SCRN1: variants seen among roughly 807,000 people sequenced by gnomAD.
SCRN1 encodes secernin-1.
In SCRN1, 19 loss-of-function variants were observed where a neutral mutation model predicts 43.3. The ratio of observed to expected loss-of-function variants is 0.44; its 90% confidence interval spans 0.31 to 0.64. The LOEUF (loss-of-function observed/expected upper bound fraction) is 0.64, where lower values mean the gene tolerates loss of function less well. Among genes scored for constraint, SCRN1 ranks in the 30% least tolerant of loss-of-function variants. SCRN1 has a pLI of 0.09. For missense variants in SCRN1, 447 were observed against 524.1 expected (o/e 0.85, Z 1.44); for synonymous variants, 183 against 188.9 (o/e 0.97, Z 0.26).
Position 29,989,775 on chromosome 7 carries a change from G to A in SCRN1, c.-135C>T. The A allele has an allele frequency of 1.0e-6, 1 of 986,576 alleles. No homozygotes were observed. Among genetic ancestry groups the A allele is most frequent in the Non-Finnish European group, 1.2e-6 (1 of 830,930 alleles). 61.1% of individuals were successfully genotyped at this position (986,576 alleles called of 1,614,324 possible). A position where few individuals can be genotyped will look rare whatever the true frequency, so the allele number is the denominator to read the frequency against. On this transcript the variant is annotated 5_prime_UTR_variant, in exon 1 of 8. Transcript: ENST00000242059. ...TGCAGCTGCAGTGGCGGAGGCGGCC[G>A]CCGGGCGCTTCCCCCTACCCAGACT...
rs79136742 is a variant in SCRN1 at position 29,985,715 on chromosome 7, C to A, written c.-2+3927G>T. On this transcript the variant is annotated intron_variant, in intron 1 of 7. Transcript: ENST00000242059. ...ACTGTCCCCATGTCCTAGATCACCA[C>A]GTAGTGTGCTTATTCTGCTTCATAG... 9.2e-3 allele frequency among the ~76,000 whole-genome samples: 1,402 copies of A among 152,328 alleles called. 12 individuals carry two copies. Among genetic ancestry groups the A allele is most frequent in the Non-Finnish European group, 0.017 (1,134 of 68,030 alleles).
At chr7:29,977,248 C>T (rs976356816) in intron 1 of SCRN1, among the ~76,000 whole-genome samples, 9 of 152,180 alleles carry the variant, frequency 5.9e-5, no homozygotes, top group Non-Finnish European at 8.8e-5. Context: ...CCCTATTCTC[C>T]ACACTACCAG....
chr7:29,924,163 C>T (rs1786865007), intron 7 of SCRN1, 48 bp from the exon 8 acceptor site: 2 of 1,570,076 alleles, frequency 1.3e-6, no homozygotes. Context: ...TAGCAGGGGA[C>T]ATTGCAGCGG....
At chr7:29,932,819 C>T (rs1479402433) in intron 6 of SCRN1, among the ~76,000 whole-genome samples, 1 of 151,946 alleles carries the variant, frequency 6.6e-6, no homozygotes, top group East Asian at 1.9e-4. Context: ...CCCTATTTTC[C>T]TAGAACTTCT....
In SCRN1 at chr7:29,926,719, C is replaced by T. The variant is rs566192795; in HGVS notation, c.906-87G>A. On this transcript the variant is annotated intron_variant, in intron 6 of 7. Transcript: ENST00000242059. ...CTGTCCTTTTATTCAGCAAACATTT[C>T]CCAAGCCAACTTATGGTGGGTGGTG... 128 of 1,258,844 alleles carry T rather than the reference C, an allele frequency of 1.0e-4. No individual in the cohort carries two copies. The African/African-American group carries it at 1.8e-3, about 17-fold the overall frequency. 78.0% of individuals were successfully genotyped at this position (1,258,844 alleles called of 1,614,324 possible). A position where few individuals can be genotyped will look rare whatever the true frequency, so the allele number is the denominator to read the frequency against.
At chr7:29,938,651 C>T (rs966660907) in intron 5 of SCRN1, among the ~76,000 whole-genome samples, 3 of 152,378 alleles carry the variant, frequency 2.0e-5, no homozygotes, top group Admixed American at 6.5e-5. Context: ...AGGACATGCT[C>T]CTGCTGCAGA....
rs931856454 is a variant in SCRN1 at position 29,985,034 on chromosome 7, T to C, written c.-2+4608A>G. On this transcript the variant is annotated intron_variant, in intron 1 of 7. Coordinates refer to ENST00000242059, the MANE Select transcript of SCRN1 (RefSeq NM_014766.5). The stretch of plus-strand genomic sequence containing the variant: ...CTTGACTTGTGTGGGGAAAGTAGCT[T>C]TGGGTAATTTGGCCAAATCTAACAG... Among the ~76,000 whole-genome samples, 4 of 144,582 alleles carry C rather than the reference T, an allele frequency of 2.8e-5. 1 individual carries two copies. In the Admixed American group the frequency reaches 2.8e-4, roughly 10 times the overall value. 94.9% of individuals were successfully genotyped at this position (144,582 alleles called of 152,430 possible). A position where few individuals can be genotyped will look rare whatever the true frequency, so the allele number is the denominator to read the frequency against.
In SCRN1 at chr7:29,955,214, G is replaced by C. The variant is rs200067995; in HGVS notation, c.306C>G (p.Ala102=). ...NEAINTREPA[A]EIEALLGMDL... is the part of the protein sequence containing the mutation. Reference sequence around the variant, plus strand: ...CCATCCCCAGCAAGGCTTCTATCTCGGCAGCTGGCTCTCTGGTGTTGATGG... The same window carrying C: ...CCATCCCCAGCAAGGCTTCTATCTCCGCAGCTGGCTCTCTGGTGTTGATGG... Residue 102 remains alanine, a synonymous_variant, in exon 3 of 8, where the codon GCC becomes GCG. Coordinates refer to ENST00000242059, the MANE Select transcript of SCRN1 (RefSeq NM_014766.5). The C allele has an allele frequency of 5.0e-6, 8 of 1,614,084 alleles. No individual in the cohort carries two copies. Among genetic ancestry groups the C allele is most frequent in the Admixed American group, 1.7e-5 (1 of 60,020 alleles).
chr7:29,936,431 T>G lies in SCRN1; in HGVS notation c.905+125A>C, dbSNP rs1787328885. On this transcript the variant is annotated intron_variant, in intron 6 of 7. Transcript: ENST00000242059. ...GGTGCTACACTGCCCACACTGAAGC[T>G]GACTGAAAAACGTGACTTTGCTATC... 12 of 802,442 alleles carry G rather than the reference T, an allele frequency of 1.5e-5. No individual in the cohort carries two copies. In the South Asian group the frequency reaches 2.3e-4, roughly 16 times the overall value. 49.7% of individuals were successfully genotyped at this position (802,442 alleles called of 1,614,324 possible).
At chr7:29,947,180 G>T (rs1180597362) in intron 3 of SCRN1, 1 of 1,549,486 alleles carries the variant, frequency 6.5e-7, no homozygotes, top group Admixed American at 2.0e-5. Context: ...TGTGTGCTTT[G>T]TCCAGCTTGC....
intron 1 of SCRN1, among the ~76,000 whole-genome samples, chr7:29,971,278 C>T (rs140828198): frequency 3.6e-3 from 544 of 152,264 alleles, no homozygotes; most frequent in Middle Eastern, 0.01. Flanking sequence ...ATCAGAGTAT[C>T]AAATAAAATG....
chr7:29,943,192 C>G (rs1787615013), intron 4 of SCRN1, among the ~76,000 whole-genome samples: 1 of 152,194 alleles, frequency 6.6e-6, no homozygotes, highest in Admixed American at 6.5e-5. Flanking sequence ...AATGGCAGTG[C>G]ACACATCACA....
At chr7:29,981,814 A>G (rs1400346837) in intron 1 of SCRN1, among the ~76,000 whole-genome samples, 1 of 152,204 alleles carries the variant, frequency 6.6e-6, no homozygotes, top group East Asian at 1.9e-4. Context: ...AAATTCATGA[A>G]TGAGAGTATG....
At chr7:29,924,254 C>T (rs913357412) in intron 7 of SCRN1, 139 bp from the exon 8 acceptor site, 54 of 774,524 alleles carry the variant, frequency 7.0e-5, no homozygotes, top group South Asian at 3.0e-4. Context: ...ACACGACTGC[C>T]GCAGGGATTG....
At chr7:29,924,691 G>A (rs1370554055) in intron 7 of SCRN1, among the ~76,000 whole-genome samples, 1 of 152,000 alleles carries the variant, frequency 6.6e-6, no homozygotes, top group East Asian at 1.9e-4. Flanking sequence ...TGACTGGGAG[G>A]GCACTCTCAA....
At chr7:29,939,291 G>A (rs183374704) in intron 5 of SCRN1, among the ~76,000 whole-genome samples, 51 of 152,066 alleles carry the variant, frequency 3.4e-4, no homozygotes, top group African/African-American at 7.5e-4. Context: ...ATACCTCACC[G>A]CAGCCTTGAA....
chr7:29,939,055 A>T (rs781762212), intron 5 of SCRN1, among the ~76,000 whole-genome samples: 3 of 151,958 alleles, frequency 2.0e-5, no homozygotes, highest in South Asian at 2.1e-4. Flanking sequence ...ATCTTTCACC[A>T]AGCTAGTTTT....
chr7:29,988,384 C>T (rs1473934347), intron 1 of SCRN1, among the ~76,000 whole-genome samples: 1 of 152,150 alleles, frequency 6.6e-6, no homozygotes, highest in Non-Finnish European at 1.5e-5. Flanking sequence ...TTACAGCTCT[C>T]CAAACTTCCC....
At chr7:29,958,296 G>A (rs1010071024) in intron 2 of SCRN1, among the ~76,000 whole-genome samples, 3 of 152,224 alleles carry the variant, frequency 2.0e-5, no homozygotes, top group Non-Finnish European at 4.4e-5. Context: ...CTTGTCTCAT[G>A]TAGATAGACT....
Sources: allele counts gnomAD v4.1 joint callset (sites outside exome capture counted in the v4.1 genomes callset), GRCh38; gene constraint gnomAD v4.1.1; transcripts MANE v1.5; gene names NCBI Gene and HGNC (gene_info 2026-07-23, HGNC 2026-07-21).